The following MEGF10 variants were observed in gnomAD, a reference collection of about 807,000 sequenced individuals.
MEGF10 encodes multiple EGF like domains 10.
A neutral mutation model predicts 147.5 loss-of-function variants in MEGF10; 86 were observed. That is an observed-to-expected ratio of 0.58 (90% CI 0.49 to 0.70). MEGF10 has a LOEUF of 0.70. Ranked by LOEUF, MEGF10 falls within the 30% of genes least tolerant of loss-of-function variation. MEGF10 has a pLI of 0.00. For synonymous variants in MEGF10, 478 were observed against 525.5 expected (o/e 0.91, Z 1.24); for missense variants, 1,329 against 1,487.3 (o/e 0.89, Z 1.75).
chr5:127,457,074 C>A, intron 24 of MEGF10, 54 bp from the exon 25 acceptor site: 2 of 1,489,364 alleles, frequency 1.3e-6, no homozygotes. Context: ...ATGCCATATT[C>A]TTTTTAAAAA....
In MEGF10 at chr5:127,447,653, T is replaced by C. The variant is rs1580883173; in HGVS notation, c.2825T>C (p.Val942Ala). Reference sequence around the variant, plus strand: ...ACCCAGTGTGCCACATCCCCTCACGTCAACAACAGGGACAGGATGACTGTC... The same window carrying C: ...ACCCAGTGTGCCACATCCCCTCACGCCAACAACAGGGACAGGATGACTGTC... ...TLTQCATSPH[V>A]NNRDRMTVTK... Residue 942 changes from valine (V) to alanine (A), a missense_variant, in exon 21 of 25, where the codon GTC (valine) becomes GCC (alanine). By Grantham distance (64) the Val-to-Ala change is moderately conservative (BLOSUM62 0). Transcript: ENST00000503335. 1.2e-6 allele frequency: 2 copies of C among 1,614,062 alleles called. No individual in the cohort carries two copies. Among genetic ancestry groups the C allele is most frequent in the East Asian group, 2.2e-5 (1 of 44,870 alleles).
intron 24 of MEGF10, among the ~76,000 whole-genome samples, chr5:127,456,425 C>T (rs1004142037): frequency 6.6e-6 from 1 of 151,184 alleles, no homozygotes; most frequent in East Asian, 1.9e-4. Context: ...ATTTTCATTT[C>T]TCTCTCTCTC....
chr5:127,345,413 G>A (rs112942140), intron 4 of MEGF10, among the ~76,000 whole-genome samples: 7,372 of 152,162 alleles, frequency 0.048, 228 homozygotes, highest in South Asian at 0.085. Flanking sequence ...CTGTCTGTCC[G>A]AAAGACCAAT....
At chr5:127,375,791 T>C (rs1363890361) in intron 5 of MEGF10, among the ~76,000 whole-genome samples, 1 of 152,198 alleles carries the variant, frequency 6.6e-6, no homozygotes, top group East Asian at 1.9e-4. Context: ...GCCTGGCATG[T>C]GGTTGGAGCA....
At chr5:127,404,747 G>A (rs1349987219) in intron 8 of MEGF10, among the ~76,000 whole-genome samples, 1 of 151,456 alleles carries the variant, frequency 6.6e-6, no homozygotes, top group Admixed American at 6.6e-5. Context: ...ATGGAGTCTT[G>A]TTTTGTCCCC....
chr5:127,405,831 G>T (rs186901097), intron 8 of MEGF10, among the ~76,000 whole-genome samples: 1 of 151,702 alleles, frequency 6.6e-6, no homozygotes, highest in Non-Finnish European at 1.5e-5. Flanking sequence ...TTCATTAAAT[G>T]CCTTTTTTTC....
chr5:127,339,241 G>C lies in MEGF10; in HGVS notation c.218+20G>C, dbSNP rs981007735. On this transcript the variant is annotated intron_variant, in intron 3 of 24. Transcript: ENST00000503335. ...GCACAGGTAATAGAAGCTCAGGCAT[G>C]TTTGTGAGTTTGGCTAACTGGGAAT... is the stretch of plus-strand genomic sequence containing the variant. 6.5e-7 allele frequency: 1 copy of C among 1,538,370 alleles called. No individual in the cohort carries two copies. The highest frequency in any genetic ancestry group is 2.3e-5 in the East Asian group (1 of 44,364).
chr5:127,338,881 A>C (rs1761566671), intron 2 of MEGF10, among the ~76,000 whole-genome samples: 1 of 152,048 alleles, frequency 6.6e-6, no homozygotes, highest in Non-Finnish European at 1.5e-5. Context: ...GTGAGGAGTA[A>C]AAGAGAATTT....
At chr5:127,299,253 C>A (rs1212049639) in intron 1 of MEGF10, among the ~76,000 whole-genome samples, 1 of 152,174 alleles carries the variant, frequency 6.6e-6, no homozygotes, top group Non-Finnish European at 1.5e-5. Flanking sequence ...CTTCAGAGAA[C>A]AATTCTGTGT....
Position 127,396,728 on chromosome 5 carries a change from C to A in MEGF10, c.609C>A (p.Cys203Ter). The change falls in exon 6 of 25, where the codon TGC (cysteine) becomes TGA (stop). Residue 203 changes from cysteine to a stop codon, truncating the protein, a stop_gained. Transcript: ENST00000503335. LOFTEE classifies it high-confidence loss of function. ...GCCAGTGCCAGAATGGAGCCACCTG[C>A]GACCACGTCACGGGGGAATGCCGCT... ...QRCQCQNGAT[C>*]DHVTGECRCP... The A allele has an allele frequency of 6.2e-7, 1 of 1,614,068 alleles. No individual in the cohort carries two copies. Among genetic ancestry groups the A allele is most frequent in the South Asian group, 1.1e-5 (1 of 91,082 alleles).
the MEGF10 span, among the ~76,000 whole-genome samples, chr5:127,267,121 T>A: frequency 6.6e-6 from 1 of 152,276 alleles, no homozygotes; most frequent in Non-Finnish European, 1.5e-5. Context: ...ATTGAGAGTT[T>A]TTCACATGAA....
At chr5:127,427,133 G>A (rs2126988034) in intron 13 of MEGF10, among the ~76,000 whole-genome samples, 1 of 152,352 alleles carries the variant, frequency 6.6e-6, no homozygotes, top group African/African-American at 2.4e-5. Flanking sequence ...AGGGGCTCTT[G>A]CATAGTGCAC....
chr5:127,394,238 T>C (rs1763818047), intron 5 of MEGF10, among the ~76,000 whole-genome samples: 1 of 152,212 alleles, frequency 6.6e-6, no homozygotes, highest in Admixed American at 6.5e-5. Context: ...ACATGGAAAC[T>C]TTGGAGAGCA....
chr5:127,358,503 G>T (rs34618477), intron 4 of MEGF10, among the ~76,000 whole-genome samples: 5,701 of 150,480 alleles, frequency 0.038, 347 homozygotes, highest in African/African-American at 0.13. Flanking sequence ...ATTTGTAAAA[G>T]AATTTATGGC....
At chr5:127,344,541 C>A (rs1360455777) in intron 4 of MEGF10, among the ~76,000 whole-genome samples, 1 of 151,894 alleles carries the variant, frequency 6.6e-6, no homozygotes, top group Non-Finnish European at 1.5e-5. Context: ...GCTTATGAAC[C>A]AAGGATTATC....
rs75198338 is a variant in MEGF10, at chr5:127,315,823, C to G, written c.-18-15468C>G. On this transcript the variant is annotated intron_variant, in intron 1 of 24. Coordinates refer to ENST00000503335, the MANE Select transcript of MEGF10 (RefSeq NM_001256545.2). ...ACCCTTTTTCTTTCTGTCTATATTTCAAGCATATATTTTGAATCACTTTGT... is the reference window on the plus strand; with the variant it reads ...ACCCTTTTTCTTTCTGTCTATATTTGAAGCATATATTTTGAATCACTTTGT... Among the ~76,000 whole-genome samples the G allele has an allele frequency of 9.9e-5, 15 of 152,226 alleles. No individual in the cohort carries two copies. In the East Asian group the frequency reaches 2.9e-3, roughly 29 times the overall value.
intron 1 of MEGF10, among the ~76,000 whole-genome samples, chr5:127,298,399 T>G (rs1468551916): frequency 1.3e-5 from 2 of 152,216 alleles, no homozygotes; most frequent in African/African-American, 2.4e-5. Flanking sequence ...TCCAGTATCC[T>G]CCCTGCTTTC....
chr5:127,273,692 TAATTACA>T, the MEGF10 span, among the ~76,000 whole-genome samples: 1 of 152,224 alleles, frequency 6.6e-6, no homozygotes, highest in African/African-American at 2.4e-5. Context: ...GAAAAGGTCT[TAATTACA>T]TGATAAGGTC....
At chr5:127,381,068 C>T (rs922785805) in intron 5 of MEGF10, among the ~76,000 whole-genome samples, 5 of 152,136 alleles carry the variant, frequency 3.3e-5, no homozygotes, top group Non-Finnish European at 7.4e-5. Flanking sequence ...AAAATCAGCC[C>T]TTGTTTGAGT....
Sources: allele counts gnomAD v4.1 joint callset (sites outside exome capture counted in the v4.1 genomes callset), GRCh38; gene constraint gnomAD v4.1.1; transcripts MANE v1.5; gene names NCBI Gene and HGNC (gene_info 2026-07-23, HGNC 2026-07-21).